NPAS3: variants seen among roughly 807,000 people sequenced by gnomAD.
NPAS3 encodes neuronal PAS domain-containing protein 3.
A neutral mutation model predicts 73.1 loss-of-function variants in NPAS3; 14 were observed. The observed-to-expected ratio is 0.19, with a 90% CI of 0.13 to 0.30. The LOEUF (loss-of-function observed/expected upper bound fraction) is 0.30. NPAS3 is among the 10% of genes least tolerant of loss of function. NPAS3 has a pLI of 1.00. For missense variants in NPAS3, 1,096 were observed against 1,250.0 expected, an observed-to-expected ratio of 0.88 and a Z score of 1.86; for synonymous variants, 620 against 541.5, an observed-to-expected ratio of 1.14 and a Z score of -2.01.
intron 3 of NPAS3, among the ~76,000 whole-genome samples, chr14:33,252,717 G>T (rs758426297): frequency 1.3e-5 from 2 of 151,530 alleles, no homozygotes; most frequent in African/African-American, 2.4e-5. Context: ...GGTGGGGATT[G>T]GGCTTCTAGT....
intron 2 of NPAS3, among the ~76,000 whole-genome samples, chr14:33,081,959 C>T (rs114790165): frequency 0.014 from 2,156 of 152,284 alleles, 44 homozygotes; most frequent in African/African-American, 0.048. Flanking sequence ...GACAGCCAAA[C>T]GTGCAATGAT....
intron 4 of NPAS3, among the ~76,000 whole-genome samples, chr14:33,388,284 C>A (rs1267819153): frequency 2.0e-5 from 3 of 151,818 alleles, no homozygotes. Flanking sequence ...AGTAAAACAT[C>A]CCCTGCCTTC....
chr14:33,712,157 C>G (rs2060836477), intron 6 of NPAS3, among the ~76,000 whole-genome samples: 1 of 152,068 alleles, frequency 6.6e-6, no homozygotes, highest in African/African-American at 2.4e-5. Flanking sequence ...TAAAAAAACA[C>G]CAATCAGAAG....
At chr14:32,946,348 GCACACACACACA>G (rs3057257) in intron 1 of NPAS3, among the ~76,000 whole-genome samples, 60 of 139,400 alleles carry the variant, frequency 4.3e-4, no homozygotes, top group Admixed American at 1.2e-3. Context: ...ACACACACGC[GCACACACACACA>G]CACACACACA....
At chr14:33,521,851 A>C (rs2053571374) in intron 4 of NPAS3, among the ~76,000 whole-genome samples, 1 of 152,172 alleles carries the variant, frequency 6.6e-6, no homozygotes, top group Non-Finnish European at 1.5e-5. Flanking sequence ...ATGCTAAATA[A>C]ATCAAAACAG....
At chr14:33,055,870 C>G in intron 1 of NPAS3, 35 bp from the exon 2 acceptor site, 1 of 776,742 alleles carries the variant, frequency 1.3e-6, no homozygotes, top group Non-Finnish European at 2.3e-6. Flanking sequence ...TAGAGAATCT[C>G]TAGTCATGTC....
chr14:33,171,723 G>A, intron 2 of NPAS3, among the ~76,000 whole-genome samples: 1 of 152,156 alleles, frequency 6.6e-6, no homozygotes, highest in East Asian at 1.9e-4. Flanking sequence ...TGGAGTAGTG[G>A]TTTTAATTTC....
intron 2 of NPAS3, among the ~76,000 whole-genome samples, chr14:33,095,853 T>C (rs1317834821): frequency 6.6e-5 from 10 of 151,418 alleles, no homozygotes; most frequent in Non-Finnish European, 1.5e-5. Flanking sequence ...TATTTTTTTT[T>C]AGTAGAGACG....
At chr14:33,390,432 C>G (rs1175788925) in intron 4 of NPAS3, among the ~76,000 whole-genome samples, 1 of 152,134 alleles carries the variant, frequency 6.6e-6, no homozygotes, top group African/African-American at 2.4e-5. Context: ...AGAACGTGTT[C>G]TTGCTTCAGA....
intron 2 of NPAS3, among the ~76,000 whole-genome samples, chr14:33,197,173 C>T (rs4982060): frequency 0.22 from 32,888 of 151,462 alleles, 3,952 homozygotes; most frequent in South Asian, 0.38. Context: ...CTTACTGTAT[C>T]GCATATACAG....
At chr14:33,279,885 A>G (rs1045909694) in intron 3 of NPAS3, among the ~76,000 whole-genome samples, 48 of 152,208 alleles carry the variant, frequency 3.2e-4, no homozygotes, top group African/African-American at 1.1e-3. Flanking sequence ...CAAAAAAATC[A>G]TTTTAAAACC....
At chr14:33,707,029 C>CT (rs751820997) in intron 6 of NPAS3, among the ~76,000 whole-genome samples, 10 of 152,352 alleles carry the variant, frequency 6.6e-5, no homozygotes, top group African/African-American at 1.2e-4. Context: ...TATGTGTCCT[C>CT]TATCTTCCTG....
intron 5 of NPAS3, among the ~76,000 whole-genome samples, chr14:33,623,568 C>T (rs1205116606): frequency 6.6e-6 from 1 of 152,146 alleles, no homozygotes; most frequent in Non-Finnish European, 1.5e-5. Flanking sequence ...TCTTGCCTCC[C>T]GACCCAACAA....
chr14:33,230,992 G>A (rs749842561), intron 3 of NPAS3, among the ~76,000 whole-genome samples: 22 of 152,198 alleles, frequency 1.4e-4, no homozygotes, highest in Admixed American at 8.5e-4. Context: ...ATGCAGATAC[G>A]CTTCTAAAGA....
At chr14:33,075,322 T>C (rs957541500) in intron 2 of NPAS3, among the ~76,000 whole-genome samples, 3 of 152,262 alleles carry the variant, frequency 2.0e-5, no homozygotes, top group African/African-American at 7.2e-5. Flanking sequence ...AAGCGGATTC[T>C]ATTATTAGCA....
intron 3 of NPAS3, among the ~76,000 whole-genome samples, chr14:33,292,029 C>G (rs2042119419): frequency 6.6e-6 from 1 of 152,182 alleles, no homozygotes; most frequent in Admixed American, 6.5e-5. Flanking sequence ...GGATGCATTT[C>G]AGAAAACAGT....
At chr14:33,076,805 A>G (rs1595388493) in intron 2 of NPAS3, among the ~76,000 whole-genome samples, 1 of 152,248 alleles carries the variant, frequency 6.6e-6, no homozygotes, top group Non-Finnish European at 1.5e-5. Flanking sequence ...GTTAGTACAA[A>G]AAAGTATTTT....
intron 3 of NPAS3, among the ~76,000 whole-genome samples, chr14:33,334,627 G>C (rs761477862): frequency 6.6e-6 from 1 of 152,080 alleles, no homozygotes; most frequent in African/African-American, 2.4e-5. Context: ...AGTCTGATTC[G>C]AGTCAAAGAT....
chr14:33,496,998 A>C (rs574277812), intron 4 of NPAS3, among the ~76,000 whole-genome samples: 3 of 152,350 alleles, frequency 2.0e-5, no homozygotes, highest in Non-Finnish European at 1.5e-5. Context: ...ACTTCAGCAA[A>C]GTCTCAGGAT....
Sources: allele counts gnomAD v4.1 joint callset (sites outside exome capture counted in the v4.1 genomes callset), GRCh38; gene constraint gnomAD v4.1.1; transcripts MANE v1.5; gene names NCBI Gene and HGNC (gene_info 2026-07-23, HGNC 2026-07-21).